Variants in SLC6A2 observed in about 807,000 individuals in gnomAD.
SLC6A2 encodes the protein sodium-dependent noradrenaline transporter.
Under a neutral mutation model 71.7 loss-of-function variants are expected in SLC6A2, and 26 were observed. That is an observed-to-expected ratio of 0.36 (90% CI 0.27 to 0.50). SLC6A2 has a LOEUF of 0.50. Among genes scored for constraint, SLC6A2 ranks in the 20% least tolerant of loss-of-function variants. The pLI is 0.96. For synonymous variants in SLC6A2, 363 were observed against 337.9 expected (o/e 1.07, Z -0.82); for missense variants, 581 against 803.9 (o/e 0.72, Z 3.35).
At chr16:55,675,078 T>A (rs1417924233) in intron 4 of SLC6A2, among the ~76,000 whole-genome samples, 3 of 152,234 alleles carry the variant, frequency 2.0e-5, no homozygotes, top group Admixed American at 6.5e-5. Flanking sequence ...CCATCATTAT[T>A]TAATTTGTGG....
At chr16:55,673,657 AT>A (rs1461849059) in intron 4 of SLC6A2, among the ~76,000 whole-genome samples, 2 of 152,040 alleles carry the variant, frequency 1.3e-5, no homozygotes, top group Non-Finnish European at 2.9e-5. Context: ...CACTTCCCAC[AT>A]TTAAGTGATT....
Position 55,656,600 on chromosome 16 carries a change from G to T in SLC6A2, c.-51-44G>T. 1 of 1,525,846 alleles carries T rather than the reference G, an allele frequency of 6.6e-7. No homozygotes were observed. The allele number at this position is 1,525,846 out of a possible 1,614,324, so 94.5% of individuals were successfully genotyped here. ...GGTGGTCTTGGGAGTTGCAAGTAGG[G>T]AGGAACGGCCGGGTAACCACCTCTT... On this transcript the variant is annotated intron_variant, in intron 1 of 14. Coordinates refer to ENST00000568943, the MANE Select transcript of SLC6A2 (RefSeq NM_001172501.3). This position sits in a 1 kb window ranked among gnomAD's most constrained non-coding sequence, Gnocchi z 4.5.
chr16:55,688,005 C>T (rs1373722500), intron 5 of SLC6A2, among the ~76,000 whole-genome samples: 2 of 152,238 alleles, frequency 1.3e-5, no homozygotes, highest in Non-Finnish European at 2.9e-5. Flanking sequence ...TCATCCGAAA[C>T]CACAGCCCAC....
chr16:55,700,230 TCGC>T lies in SLC6A2; in HGVS notation c.1684_1686del (p.Ala562del). 1 of 1,614,056 alleles carries T rather than the reference TCGC, an allele frequency of 6.2e-7. No individual in the cohort carries two copies. The highest frequency in any genetic ancestry group is 8.5e-7 in the Non-Finnish European group (1 of 1,179,982). ...TGGGCCAACTGGGTGGGGTGGGGCA[TCGC>T]CCTGTCCTCCATGGTCCTGGTGCCC... On this transcript the variant is annotated inframe_deletion, in exon 13 of 15. Coordinates refer to ENST00000568943, the MANE Select transcript of SLC6A2 (RefSeq NM_001172501.3).
At chr16:55,695,172 G>A (rs1285045237) in intron 7 of SLC6A2, 106 bp from the exon 8 acceptor site, 2 of 1,341,426 alleles carry the variant, frequency 1.5e-6, no homozygotes, top group African/African-American at 1.4e-5. Context: ...AGGGGGGATG[G>A]CCTTTGAGGC....
intron 2 of SLC6A2, among the ~76,000 whole-genome samples, chr16:55,659,732 A>G (rs541047555): frequency 8.4e-4 from 128 of 152,330 alleles, no homozygotes; most frequent in African/African-American, 3.0e-3. Flanking sequence ...AACAACAGAA[A>G]CACTCAGTGG....
chr16:55,675,331 C>T (rs1248140799), intron 4 of SLC6A2, among the ~76,000 whole-genome samples: 1 of 152,182 alleles, frequency 6.6e-6, no homozygotes, highest in African/African-American at 2.4e-5. Context: ...TAGATTCCAC[C>T]AGAACTCCAC....
In SLC6A2 at chr16:55,656,587, A is replaced by C; in HGVS notation, c.-51-57A>C. The C allele has an allele frequency of 2.1e-6, 3 of 1,397,540 alleles. No homozygotes were observed. The highest frequency in any genetic ancestry group is 3.0e-6 in the Non-Finnish European group (3 of 993,952). 86.6% of individuals were successfully genotyped at this position (1,397,540 alleles called of 1,614,324 possible). The stretch of plus-strand genomic sequence containing the variant: ...TAAGGCGCTCCCGGGTGGTCTTGGG[A>C]GTTGCAAGTAGGGAGGAACGGCCGG... On this transcript the variant is annotated intron_variant, in intron 1 of 14. Transcript: ENST00000568943. This position sits in a 1 kb window ranked among gnomAD's most constrained non-coding sequence, Gnocchi z 4.5.
chr16:55,669,986 T>C (rs1027609137), intron 3 of SLC6A2, among the ~76,000 whole-genome samples: 1 of 152,180 alleles, frequency 6.6e-6, no homozygotes, highest in Non-Finnish European at 1.5e-5. Context: ...GTATCAGAAG[T>C]ACCCAGCACA....
rs768200271 is a variant in SLC6A2, at chr16:55,685,194, G to T, written c.696G>T (p.Leu232=). ...GCAGCGGGATTCATGACATCGGCCT[G>T]CCCCAGTGGCAGCTCTTGCTCTGTC... ...HESSGIHDIG[L]PQWQLLLCLM... is the part of the protein sequence containing the mutation. Residue 232 remains leucine (L), a synonymous_variant, in exon 5 of 15, where the codon CTG becomes CTT. Transcript: ENST00000568943. 1.2e-6 allele frequency: 2 copies of T among 1,614,142 alleles called. No homozygotes were observed. Among genetic ancestry groups the T allele is most frequent in the Admixed American group, 1.7e-5 (1 of 60,030 alleles).
At chr16:55,665,020 G>A (rs1057336135) in intron 2 of SLC6A2, among the ~76,000 whole-genome samples, 1 of 152,154 alleles carries the variant, frequency 6.6e-6, no homozygotes, top group Non-Finnish European at 1.5e-5. Flanking sequence ...GCTGTGCTGC[G>A]GGAGGTGGGG....
intron 6 of SLC6A2, among the ~76,000 whole-genome samples, chr16:55,692,387 C>G (rs766980411): frequency 6.6e-6 from 1 of 152,170 alleles, no homozygotes; most frequent in Non-Finnish European, 1.5e-5. Flanking sequence ...CTCCCTAGTC[C>G]ACCCCAGCCA....
chr16:55,671,528 G>T (rs576312877), intron 3 of SLC6A2: 1 of 372,018 alleles, frequency 2.7e-6, no homozygotes, highest in African/African-American at 2.0e-5. Flanking sequence ...GTGAGCAGCG[G>T]GTAAGTGAAG....
At chr16:55,682,245 C>G (rs1262830135) in intron 4 of SLC6A2, among the ~76,000 whole-genome samples, 1 of 152,066 alleles carries the variant, frequency 6.6e-6, no homozygotes, top group Non-Finnish European at 1.5e-5. Context: ...GAATGGACCT[C>G]TAGTTGAGCG....
At chr16:55,684,526 A>G (rs1965384672) in intron 4 of SLC6A2, among the ~76,000 whole-genome samples, 2 of 152,194 alleles carry the variant, frequency 1.3e-5, no homozygotes, top group Middle Eastern at 3.2e-3. Flanking sequence ...TTTAGTAGCT[A>G]TTCCCCAATA....
intron 14 of SLC6A2, 33 bp from the exon 15 acceptor site, chr16:55,702,290 A>G: frequency 6.2e-7 from 1 of 1,612,276 alleles, no homozygotes; most frequent in Non-Finnish European, 8.5e-7. Context: ...TGTCCCCACC[A>G]TGTCATCAAG....
intron 2 of SLC6A2, among the ~76,000 whole-genome samples, chr16:55,663,860 C>G (rs751231456): frequency 1.3e-5 from 2 of 152,140 alleles, no homozygotes; most frequent in Non-Finnish European, 2.9e-5. Flanking sequence ...ACAAAATTCT[C>G]TGACCCACTT....
chr16:55,691,463 C>A (rs1965626861), intron 5 of SLC6A2, among the ~76,000 whole-genome samples: 1 of 152,170 alleles, frequency 6.6e-6, no homozygotes, highest in African/African-American at 2.4e-5. Context: ...GTATTCATAG[C>A]AACACTCGCA....
At chr16:55,657,665 T>A (rs1964496539) in intron 2 of SLC6A2, among the ~76,000 whole-genome samples, 1 of 152,184 alleles carries the variant, frequency 6.6e-6, no homozygotes, top group Admixed American at 6.5e-5. Flanking sequence ...GTGAAACCTC[T>A]ACCTCCTCAA....
Sources: gnomAD v4.1 joint callset for allele counts (sites outside exome capture counted in the v4.1 genomes callset) on GRCh38, gnomAD v4.1.1 for gene constraint, Gnocchi (gnomAD v3.1) non-coding constraint, MANE v1.5 for transcripts, NCBI Gene and HGNC (gene_info 2026-07-23, HGNC 2026-07-21) for gene names.